The following CNOT3 variants were observed in gnomAD, a reference collection of about 807,000 sequenced individuals.
CNOT3 encodes the protein CCR4-NOT transcription complex subunit 3.
In CNOT3, 2 loss-of-function variants were observed where a neutral mutation model predicts 89.4. The observed-to-expected ratio is 0.02, with a 90% confidence interval of 0.01 to 0.07. The LOEUF (loss-of-function observed/expected upper bound fraction) is 0.07. CNOT3 is among the 10% of genes least tolerant of loss of function. CNOT3 has a pLI of 1.00. For synonymous variants in CNOT3, 486 were observed against 402.0 expected (o/e 1.21, Z -2.50); for missense variants, 664 against 1,010.2 (o/e 0.66, Z 4.65).
intron 17 of CNOT3, 195 bp from the exon 18 acceptor site, chr19:54,155,114 C>T (rs998240242): frequency 1.4e-5 from 9 of 628,406 alleles, no homozygotes; most frequent in Admixed American, 1.3e-4. Context: ...GTTTCCTCCT[C>T]GCTGAAGTGG....
intron 1 of CNOT3, among the ~76,000 whole-genome samples, chr19:54,139,480 G>A (rs2074362255): frequency 6.6e-6 from 1 of 152,126 alleles, no homozygotes; most frequent in South Asian, 2.1e-4. Flanking sequence ...CGAGGTGGGG[G>A]CTCTTCCCTC....
At chr19:54,152,099 TG>T in intron 13 of CNOT3, 126 bp from the exon 14 acceptor site, 1 of 835,744 alleles carries the variant, frequency 1.2e-6, no homozygotes, top group Non-Finnish European at 1.9e-6. Flanking sequence ...GGGTAGATTG[TG>T]GGGAGTGGGT....
rs149310713 is a variant in CNOT3, at chr19:54,145,379, G to T, written c.484-219G>T. Among the ~76,000 whole-genome samples, 1 of 152,264 alleles carries T rather than the reference G, an allele frequency of 6.6e-6. No individual in the cohort carries two copies. The highest frequency in any genetic ancestry group is 1.9e-4 in the East Asian group (1 of 5,178). On this transcript the variant is annotated intron_variant, in intron 7 of 17. Transcript: ENST00000221232. The surrounding 1 kb of genome is among the most constrained non-coding windows in gnomAD (Gnocchi z 5.9). ...ACTCCTGGAGCCAGAAAGGTGTGGG[G>T]AGAGGAGGGAGCAGTGGGATCCCAA... is the stretch of plus-strand genomic sequence containing the variant.
At chr19:54,150,484 T>TAG in intron 13 of CNOT3, among the ~76,000 whole-genome samples, 1 of 148,974 alleles carries the variant, frequency 6.7e-6, no homozygotes, top group East Asian at 2.0e-4. Context: ...GACGGTGGGG[T>TAG]CCTGATCATC....
At chr19:54,152,391 C>T (rs2075169507) in intron 14 of CNOT3, 37 bp from the exon 15 acceptor site, 1 of 1,613,942 alleles carries the variant, frequency 6.2e-7, no homozygotes, top group Non-Finnish European at 8.5e-7. Context: ...GACCCATCCT[C>T]ACCACTGAGG....
At position 54,154,110 on chromosome 19, in the gene CNOT3, C is replaced by T. The variant is rs531895042; in HGVS notation, c.2163+270C>T. On this transcript the variant is annotated intron_variant, in intron 17 of 17. Transcript: ENST00000221232. ...CTTCCTGGAGCCACCCAGCCCAGTG[C>T]CTCCCCTTTGCAGTGCTGGGCACAC... 9.1e-4 allele frequency: 612 copies of T among 670,556 alleles called. 7 individuals are homozygous for T. Among genetic ancestry groups the T allele is most frequent in the South Asian group, 8.2e-3 (540 of 66,162 alleles). 41.5% of individuals were successfully genotyped at this position (670,556 alleles called of 1,614,324 possible).
intron 1 of CNOT3, among the ~76,000 whole-genome samples, chr19:54,140,279 C>T (rs1279581294): frequency 1.3e-5 from 2 of 152,186 alleles, no homozygotes; most frequent in Non-Finnish European, 2.9e-5. Context: ...TTGTGGGTCC[C>T]TTCCCTGTGG....
intron 13 of CNOT3, 123 bp downstream of exon 13, chr19:54,149,881 C>T (rs1300302667): frequency 3.4e-5 from 34 of 1,005,594 alleles, no homozygotes; most frequent in East Asian, 2.7e-5. Context: ...TTTCTGTCCC[C>T]TTCTCACACT....
chr19:54,139,801 C>T (rs1371748536), intron 1 of CNOT3, among the ~76,000 whole-genome samples: 3 of 152,102 alleles, frequency 2.0e-5, no homozygotes, highest in Admixed American at 1.3e-4. Context: ...GGACCAGAGA[C>T]TTCTCTGGTG....
chr19:54,141,621 C>T (rs1365774928), intron 1 of CNOT3: 2 of 152,238 alleles, frequency 1.3e-5, no homozygotes, highest in Non-Finnish European at 1.5e-5. Flanking sequence ...TTGGATAGCA[C>T]TGTTTGCCAG....
rs2074281389 is a variant in CNOT3, at chr19:54,137,933, C to A, written c.-111C>A. The A allele has an allele frequency of 6.6e-6, 1 of 152,106 alleles. No homozygotes were observed. The highest frequency in any genetic ancestry group is 2.1e-4 in the South Asian group (1 of 4,840). 9.4% of individuals were successfully genotyped at this position (152,106 alleles called of 1,614,324 possible). ...GGCCCGGGGCGCGAGAAAAAGGCGG[C>A]GGGCGCTCGCCTCCCCCGCCTGTCG... On this transcript the variant is annotated 5_prime_UTR_variant, in exon 1 of 18. Transcript: ENST00000221232.
chr19:54,153,651 T>C lies in CNOT3; in HGVS notation c.2038-64T>C, dbSNP rs1034917280. The C allele has an allele frequency of 7.2e-5, 93 of 1,286,266 alleles. 1 individual carries two copies. Among genetic ancestry groups the C allele is most frequent in the Non-Finnish European group, 9.5e-5 (84 of 881,420 alleles). 79.7% of individuals were successfully genotyped at this position (1,286,266 alleles called of 1,614,324 possible). ...GGTTCAGCCCTGATGTCCTGCCCCA[T>C]TCCCCTGGCTCCCCACCCAGTTTGG... On this transcript the variant is annotated intron_variant, in intron 16 of 17. Transcript: ENST00000221232.
At chr19:54,146,112 T>G in intron 9 of CNOT3, 69 bp downstream of exon 9, 1 of 1,577,684 alleles carries the variant, frequency 6.3e-7, no homozygotes, top group Non-Finnish European at 8.6e-7. Context: ...CAAATCTGGG[T>G]CACTCCAAAG....
rs1340314220 is a variant in CNOT3, at chr19:54,148,717, C to T, written c.1380C>T (p.Gly460=). 6.2e-7 allele frequency: 1 copy of T among 1,611,628 alleles called. No homozygotes were observed. The highest frequency in any genetic ancestry group is 1.8e-4 in the Middle Eastern group (1 of 5,538). ...ASSQALGPPS[G]PHNPPPSTSK... is the part of the protein sequence containing the mutation. The stretch of plus-strand genomic sequence containing the variant: ...GCCAGGCCTTGGGCCCCCCTTCCGG[C>T]CCCCACAACCCACCTCCCAGCACCT... Residue 460 remains glycine (G), a synonymous_variant, in exon 12 of 18, where the codon GGC becomes GGT. Coordinates refer to ENST00000221232, the MANE Select transcript of CNOT3 (RefSeq NM_014516.4). This position sits in a 1 kb window ranked among gnomAD's most constrained non-coding sequence, Gnocchi z 6.3.
intron 1 of CNOT3, among the ~76,000 whole-genome samples, chr19:54,140,676 A>T (rs1361284900): frequency 6.6e-6 from 1 of 152,076 alleles, no homozygotes; most frequent in Non-Finnish European, 1.5e-5. Context: ...TTCTCTGTGG[A>T]GGAGCTGCCT....
At chr19:54,143,345 G>GGC (rs2074532702) in intron 3 of CNOT3, 97 bp from the exon 4 acceptor site, 3 of 1,354,784 alleles carry the variant, frequency 2.2e-6, no homozygotes, top group Non-Finnish European at 3.2e-6. Context: ...TAGGGGTTGG[G>GGC]GGGGGTCCTC....
intron 9 of CNOT3, 74 bp downstream of exon 9, chr19:54,146,117 C>T (rs939533255): frequency 2.6e-5 from 41 of 1,556,296 alleles, no homozygotes; most frequent in Non-Finnish European, 3.1e-5. Flanking sequence ...CTGGGTCACT[C>T]CAAAGTGGCT....
chr19:54,147,553 G>A (rs587631938), intron 10 of CNOT3, among the ~76,000 whole-genome samples: 11 of 152,316 alleles, frequency 7.2e-5, no homozygotes, highest in African/African-American at 2.6e-4. Context: ...AGGTGCCTGT[G>A]GGGTGGCTGG....
At chr19:54,153,452 C>T (rs763445787) in intron 16 of CNOT3, 2 of 774,706 alleles carry the variant, frequency 2.6e-6, no homozygotes, top group East Asian at 2.4e-5. Context: ...AAATTGCCTC[C>T]TCTCTCAGCT....
Sources: allele counts gnomAD v4.1 joint callset (sites outside exome capture counted in the v4.1 genomes callset), GRCh38; gene constraint gnomAD v4.1.1; non-coding constraint Gnocchi (gnomAD v3.1); transcripts MANE v1.5; gene names NCBI Gene and HGNC (gene_info 2026-07-23, HGNC 2026-07-21).